The following ZAP70 variants were observed in gnomAD, a reference collection of about 807,000 sequenced individuals.
ZAP70 encodes the protein tyrosine-protein kinase ZAP-70.
ZAP70 carries 27 observed loss-of-function variants against 65.8 expected under a neutral mutation model. The observed-to-expected ratio is 0.41, with a 90% CI of 0.30 to 0.57. The LOEUF is 0.57. Among genes scored for constraint, ZAP70 ranks in the 20% least tolerant of loss-of-function variants. The probability of loss-of-function intolerance (pLI) is 0.28; values close to 1 mark genes in which losing one functional copy is unlikely to be tolerated. For missense variants in ZAP70, 696 were observed against 870.5 expected (o/e 0.80, Z 2.52); for synonymous variants, 363 against 360.8 (o/e 1.01, Z -0.07).
In ZAP70 at chr2:97,733,572, C is replaced by G. The variant is rs200126170; in HGVS notation, c.866C>G (p.Ser289Ter). The change falls in exon 8 of 14, where the codon TCA (serine) becomes TGA (stop). Residue 289 changes from serine (S) to a stop codon, truncating the protein, a stop_gained. Transcript: ENST00000264972. LOFTEE classifies it high-confidence loss of function. ...HPQRRIDTLN[S>*]DGYTPEPARI... ...CAGAGACGAATCGACACCCTCAACT[C>G]AGATGGATACACCCCTGAGCCAGGT... 6.8e-6 allele frequency: 11 copies of G among 1,613,670 alleles called. No individual in the cohort carries two copies. The highest frequency in any genetic ancestry group is 9.3e-6 in the Non-Finnish European group (11 of 1,180,008).
Position 97,734,695 on chromosome 2 carries a change from C to G in ZAP70, c.1065C>G (p.Gly355=). 6.2e-7 allele frequency: 1 copy of G among 1,613,962 alleles called. No homozygotes were observed. The highest frequency in any genetic ancestry group is 8.5e-7 in the Non-Finnish European group (1 of 1,180,012). ...GCAACTTTGGCTCAGTGCGCCAGGGCGTGTACCGCATGCGCAAGTATGGCC... is the reference window on the plus strand; with the variant it reads ...GCAACTTTGGCTCAGTGCGCCAGGGGGTGTACCGCATGCGCAAGTATGGCC... ...GCGNFGSVRQ[G]VYRMRKKQID... Residue 355 remains glycine, a synonymous_variant, in exon 9 of 14, where the codon GGC becomes GGG. Coordinates refer to ENST00000264972, the MANE Select transcript of ZAP70 (RefSeq NM_001079.4).
intron 4 of ZAP70, among the ~76,000 whole-genome samples, chr2:97,729,901 A>G (rs1379895351): frequency 1.3e-5 from 2 of 152,188 alleles, no homozygotes; most frequent in Non-Finnish European, 2.9e-5. Context: ...AATGTGCTGT[A>G]TTCATACCCT....
downstream of ZAP70, among the ~76,000 whole-genome samples, chr2:97,743,812 G>A (rs556881092): frequency 2.0e-5 from 3 of 152,282 alleles, no homozygotes; most frequent in African/African-American, 7.2e-5. Flanking sequence ...TGTCTCTTCA[G>A]AATATTTCTT....
At chr2:97,721,349 C>A (rs532659153) in intron 2 of ZAP70, among the ~76,000 whole-genome samples, 1 of 152,114 alleles carries the variant, frequency 6.6e-6, no homozygotes. Context: ...ATGAATCACT[C>A]GATACACATT....
At chr2:97,722,015 C>A (rs527953963) in intron 2 of ZAP70, among the ~76,000 whole-genome samples, 37 of 151,984 alleles carry the variant, frequency 2.4e-4, no homozygotes, top group Non-Finnish European at 5.2e-4. Flanking sequence ...GAATGCCTGA[C>A]CTTGTGATCC....
Position 97,737,876 on chromosome 2 carries a change from C to T in ZAP70, c.1602C>T (p.Ser534=), listed in dbSNP as rs1300500800. The change falls in exon 12 of 14, where the codon TCC becomes TCT. Residue 534 remains serine (S), a synonymous_variant. Coordinates refer to ENST00000264972, the MANE Select transcript of ZAP70 (RefSeq NM_001079.4). This position sits in a 1 kb window ranked among gnomAD's most constrained non-coding sequence, Gnocchi z 5.0. The part of the protein sequence containing the change: ...SYGVTMWEAL[S]YGQKPYKKMK... The stretch of plus-strand genomic sequence containing the variant: ...GGGTCACCATGTGGGAGGCCTTGTC[C>T]TACGGCCAGAAGCCCTACAAGGCAG... 6.2e-7 allele frequency: 1 copy of T among 1,614,158 alleles called. No homozygotes were observed. Among genetic ancestry groups the T allele is most frequent in the East Asian group, 2.2e-5 (1 of 44,880 alleles).
chr2:97,716,510 C>T (rs1224453941), intron 2 of ZAP70, among the ~76,000 whole-genome samples: 1 of 152,062 alleles, frequency 6.6e-6, no homozygotes, highest in Non-Finnish European at 1.5e-5. Context: ...GAAGGAGAGG[C>T]TATTTTGGAG....
At position 97,715,598 on chromosome 2, in the gene ZAP70, G is replaced by A. The variant is rs979290720; in HGVS notation, c.-22+1604G>A. Among the ~76,000 whole-genome samples the A allele has an allele frequency of 3.9e-5, 6 of 152,126 alleles. No individual in the cohort carries two copies. Among genetic ancestry groups the A allele is most frequent in the African/African-American group, 9.7e-5 (4 of 41,424 alleles). ...GGTTGGGGAATCTGACCCTGACCCC[G>A]CACCAGCCCAGCTCTCCAGGGTCTC... is the stretch of plus-strand genomic sequence containing the variant. On this transcript the variant is annotated intron_variant, in intron 2 of 13. Coordinates refer to ENST00000264972, the MANE Select transcript of ZAP70 (RefSeq NM_001079.4). The surrounding 1 kb of genome is among the most constrained non-coding windows in gnomAD (Gnocchi z 4.1).
At chr2:97,728,334 G>A (rs576882611) in intron 4 of ZAP70, among the ~76,000 whole-genome samples, 51 of 152,360 alleles carry the variant, frequency 3.3e-4, no homozygotes, top group African/African-American at 1.1e-3. Context: ...AGCATAGAGC[G>A]TGTGGCTGGC....
At chr2:97,719,554 G>T (rs529129144) in intron 2 of ZAP70, among the ~76,000 whole-genome samples, 7 of 137,934 alleles carry the variant, frequency 5.1e-5, no homozygotes, top group African/African-American at 1.4e-4. Flanking sequence ...AGAACAGCCT[G>T]GGGGGGGGGC....
chr2:97,738,213 G>T (rs771435426), intron 13 of ZAP70, 106 bp downstream of exon 13: 7 of 1,163,280 alleles, frequency 6.0e-6, no homozygotes, highest in Non-Finnish European at 8.8e-6. Context: ...CTCACCCAAA[G>T]CCCTTCACCC....
At chr2:97,724,863 G>C (rs1405749566) in intron 3 of ZAP70, 1 of 1,527,926 alleles carries the variant, frequency 6.5e-7, no homozygotes, top group South Asian at 1.2e-5. Flanking sequence ...AGGTCTTCAA[G>C]CTGGAGATGC....
chr2:97,723,425 G>A (rs1429394562), intron 2 of ZAP70, among the ~76,000 whole-genome samples: 2 of 152,310 alleles, frequency 1.3e-5, no homozygotes, highest in African/African-American at 2.4e-5. Flanking sequence ...GCGCTGTCCC[G>A]CGCGCTTTTT....
chr2:97,741,280 T>A (rs1029271424), downstream of ZAP70, among the ~76,000 whole-genome samples: 1 of 152,180 alleles, frequency 6.6e-6, no homozygotes, highest in African/African-American at 2.4e-5. Flanking sequence ...GCAGGATCTT[T>A]TCTCTTGGCG....
intron 2 of ZAP70, among the ~76,000 whole-genome samples, chr2:97,716,079 G>T (rs1013414466): frequency 1.3e-5 from 2 of 152,168 alleles, no homozygotes; most frequent in African/African-American, 4.8e-5. Context: ...AGGGCTCATG[G>T]AATGCTTCTG....
intron 2 of ZAP70, among the ~76,000 whole-genome samples, chr2:97,722,555 A>G (rs1248827472): frequency 6.6e-6 from 1 of 152,228 alleles, no homozygotes. Flanking sequence ...TAAGAGTTCA[A>G]TGTTAGTGAA....
In ZAP70 at chr2:97,737,746, C is replaced by A. The variant is rs1573289553; in HGVS notation, c.1483-11C>A. The A allele has an allele frequency of 6.2e-7, 1 of 1,613,976 alleles. No homozygotes were observed. The highest frequency in any genetic ancestry group is 1.3e-5 in the African/African-American group (1 of 74,880). On this transcript the variant is annotated splice_polypyrimidine_tract_variant and intron_variant, in intron 11 of 13. Coordinates refer to ENST00000264972, the MANE Select transcript of ZAP70 (RefSeq NM_001079.4). This position sits in a 1 kb window ranked among gnomAD's most constrained non-coding sequence, Gnocchi z 5.0. ...CTGACCCCTGATCCAGCAGCATCTC[C>A]CCCTCCCCAGGCCCGCTCAGCAGGG...
At chr2:97,724,910 C>T (rs1484118222) in intron 3 of ZAP70, 182 bp from the exon 4 acceptor site, 11 of 1,533,620 alleles carry the variant, frequency 7.2e-6, no homozygotes, top group Admixed American at 5.9e-5. Flanking sequence ...GTGGTTCCTC[C>T]CTAGCTGGAT....
chr2:97,725,251 C>T lies in ZAP70; in HGVS notation c.562C>T (p.Leu188=), dbSNP rs1410640239. ...YSGAQTDGKF[L]LRPRKEQGTY... ...TGGGGCGCAGACCGACGGCAAGTTCCTGTATGTGGGGCCCGGGATTTGGGT... is the reference window on the plus strand; with the variant it reads ...TGGGGCGCAGACCGACGGCAAGTTCTTGTATGTGGGGCCCGGGATTTGGGT... Residue 188 remains leucine (L), a splice_region_variant and synonymous_variant, in exon 4 of 14, where the codon CTG becomes TTG. Transcript: ENST00000264972. 2 of 1,612,596 alleles carry T rather than the reference C, an allele frequency of 1.2e-6. No individual in the cohort carries two copies. Among genetic ancestry groups the T allele is most frequent in the South Asian group, 2.2e-5 (2 of 91,062 alleles).
Sources: allele counts gnomAD v4.1 joint callset (sites outside exome capture counted in the v4.1 genomes callset), GRCh38; gene constraint gnomAD v4.1.1; non-coding constraint Gnocchi (gnomAD v3.1); transcripts MANE v1.5; gene names NCBI Gene and HGNC (gene_info 2026-07-23, HGNC 2026-07-21).